Variants in CNTNAP5 observed in about 807,000 individuals in gnomAD.
The protein encoded by CNTNAP5 is contactin associated protein family member 5.
CNTNAP5 carries 72 observed loss-of-function variants against 150.2 expected under a neutral mutation model. The observed-to-expected ratio is 0.48, with a 90% CI of 0.40 to 0.58. The LOEUF is 0.58. Ranked by LOEUF, CNTNAP5 falls within the 20% of genes least tolerant of loss-of-function variation. CNTNAP5 has a pLI of 0.00. For missense variants in CNTNAP5, 1,636 were observed against 1,626.2 expected (o/e 1.01, Z -0.10); for synonymous variants, 672 against 619.8 (o/e 1.08, Z -1.25).
intron 3 of CNTNAP5, among the ~76,000 whole-genome samples, chr2:124,305,854 A>T (rs1367251): frequency 0.53 from 80,272 of 152,018 alleles, 21,515 homozygotes; most frequent in Non-Finnish European, 0.58. Context: ...ATTACCTAAT[A>T]TTTTTATTCT....
At chr2:124,826,028 A>C (rs1682585268) in intron 19 of CNTNAP5, among the ~76,000 whole-genome samples, 1 of 152,204 alleles carries the variant, frequency 6.6e-6, no homozygotes, top group South Asian at 2.1e-4. Context: ...CTTGCATTTT[A>C]GTATGCTCTG....
intron 19 of CNTNAP5, among the ~76,000 whole-genome samples, chr2:124,833,184 G>A (rs1181763549): frequency 6.6e-6 from 1 of 152,062 alleles, no homozygotes; most frequent in Non-Finnish European, 1.5e-5. Flanking sequence ...TGTTGAGATT[G>A]CAGGCATGAA....
At chr2:124,562,846 C>T (rs1227441595) in intron 10 of CNTNAP5, among the ~76,000 whole-genome samples, 2 of 150,512 alleles carry the variant, frequency 1.3e-5, no homozygotes, top group Non-Finnish European at 3.0e-5. Context: ...AAATACAAAA[C>T]CATTAAAAAA....
At chr2:124,222,762 T>C (rs1222988917) in intron 2 of CNTNAP5, among the ~76,000 whole-genome samples, 2 of 151,914 alleles carry the variant, frequency 1.3e-5, no homozygotes, top group African/African-American at 4.8e-5. Context: ...CTAATTTAAT[T>C]TGTTAACACT....
At chr2:124,453,102 A>T (rs1450024773) in intron 6 of CNTNAP5, among the ~76,000 whole-genome samples, 2 of 152,150 alleles carry the variant, frequency 1.3e-5, no homozygotes, top group African/African-American at 4.8e-5. Flanking sequence ...GAGAAAGTCA[A>T]AGCCCAACAT....
chr2:124,553,218 G>A (rs893520812), intron 10 of CNTNAP5, among the ~76,000 whole-genome samples: 13 of 152,148 alleles, frequency 8.5e-5, no homozygotes, highest in African/African-American at 3.1e-4. Context: ...AGAAGAAATA[G>A]TTGGGCCTGG....
rs1440874069 is a variant in CNTNAP5 at position 124,677,613 on chromosome 2, G to T, written c.2077+29655G>T. On this transcript the variant is annotated intron_variant, in intron 13 of 23. Coordinates refer to ENST00000682447, the MANE Select transcript of CNTNAP5 (RefSeq NM_001367498.1). ...GCATTTTTACAGAGTGCTGACTGGT[G>T]CATTTACAATCCTTCAGCTAGACAC... 2.0e-5 allele frequency among the ~76,000 whole-genome samples: 3 copies of T among 151,964 alleles called. No homozygotes were observed. The Admixed American group carries it at 2.0e-4, about 10-fold the overall frequency.
chr2:124,261,238 A>C (rs1478917584), intron 3 of CNTNAP5, among the ~76,000 whole-genome samples: 1 of 152,142 alleles, frequency 6.6e-6, no homozygotes, highest in Non-Finnish European at 1.5e-5. Flanking sequence ...GACTCATTTA[A>C]ATATAGAGAT....
At chr2:124,123,571 G>A (rs1393778820) in intron 1 of CNTNAP5, among the ~76,000 whole-genome samples, 1 of 152,118 alleles carries the variant, frequency 6.6e-6, no homozygotes, top group Non-Finnish European at 1.5e-5. Context: ...CTCCCAACAT[G>A]GAGTTTGAGA....
intron 1 of CNTNAP5, among the ~76,000 whole-genome samples, chr2:124,176,824 A>G (rs1430818032): frequency 7.1e-6 from 1 of 140,114 alleles, no homozygotes; most frequent in Non-Finnish European, 1.6e-5. Flanking sequence ...AGATCAGATA[A>G]TGTCTTTGTT....
At chr2:124,348,475 T>C (rs1355710838) in intron 3 of CNTNAP5, among the ~76,000 whole-genome samples, 2 of 152,206 alleles carry the variant, frequency 1.3e-5, no homozygotes, top group Non-Finnish European at 2.9e-5. Flanking sequence ...AGATGCTGTT[T>C]ATCAATTTGA....
chr2:124,613,222 T>C (rs974566978), intron 12 of CNTNAP5, among the ~76,000 whole-genome samples: 3 of 152,226 alleles, frequency 2.0e-5, no homozygotes. Context: ...TGTTAAAACA[T>C]GAGTGACTTA....
intron 3 of CNTNAP5, among the ~76,000 whole-genome samples, chr2:124,254,264 G>T (rs1033909877): frequency 2.6e-5 from 4 of 152,146 alleles, no homozygotes; most frequent in Admixed American, 2.6e-4. Context: ...TCAAATGTAA[G>T]AAAATATTCC....
At chr2:124,785,054 A>AC (rs1353838059) in intron 17 of CNTNAP5, among the ~76,000 whole-genome samples, 8 of 150,424 alleles carry the variant, frequency 5.3e-5, no homozygotes, top group South Asian at 2.1e-4. Flanking sequence ...AAAAAAAAAA[A>AC]AAACAAAAGA....
At chr2:124,785,701 G>A (rs771940567) in intron 17 of CNTNAP5, among the ~76,000 whole-genome samples, 6 of 152,192 alleles carry the variant, frequency 3.9e-5, no homozygotes, top group South Asian at 2.1e-4. Context: ...GGGGTAAGGG[G>A]AGGCCAGATC....
chr2:124,106,590 C>T (rs1206832692), intron 1 of CNTNAP5, among the ~76,000 whole-genome samples: 1 of 152,182 alleles, frequency 6.6e-6, no homozygotes, highest in Non-Finnish European at 1.5e-5. Context: ...GCCATGAAGA[C>T]TCTACCCCTT....
chr2:124,038,919 G>A (rs1030508669), intron 1 of CNTNAP5, among the ~76,000 whole-genome samples: 1 of 152,214 alleles, frequency 6.6e-6, no homozygotes, highest in Admixed American at 6.5e-5. Flanking sequence ...GAGCCACACT[G>A]GGTGTGCCCC....
At chr2:124,689,651 A>T (rs768549565) in intron 13 of CNTNAP5, among the ~76,000 whole-genome samples, 4 of 152,026 alleles carry the variant, frequency 2.6e-5, no homozygotes, top group Non-Finnish European at 5.9e-5. Context: ...GTGAATGTGC[A>T]TGTGTGTTTA....
At chr2:124,729,020 G>A (rs1558753236) in intron 13 of CNTNAP5, among the ~76,000 whole-genome samples, 1 of 152,064 alleles carries the variant, frequency 6.6e-6, no homozygotes, top group South Asian at 2.1e-4. Flanking sequence ...CTCTCAGGAT[G>A]TAATCAACAA....
Sources: allele counts gnomAD v4.1 joint callset (sites outside exome capture counted in the v4.1 genomes callset), GRCh38; gene constraint gnomAD v4.1.1; transcripts MANE v1.5; gene names NCBI Gene and HGNC (gene_info 2026-07-23, HGNC 2026-07-21).